Variants in FRY observed in about 807,000 individuals in gnomAD.
The protein encoded by FRY is FRY microtubule binding protein.
FRY carries 128 observed loss-of-function variants against 348.4 expected under a neutral mutation model. That is an observed-to-expected ratio of 0.37 (90% confidence interval 0.32 to 0.43). The LOEUF (loss-of-function observed/expected upper bound fraction) is 0.43, where lower values mean the gene tolerates loss of function less well. Ranked by LOEUF, FRY falls within the 20% of genes least tolerant of loss-of-function variation. FRY has a pLI of 1.00. For synonymous variants in FRY, 1,370 were observed against 1,374.7 expected, an observed-to-expected ratio of 1.00 and a Z score of 0.08; for missense variants, 2,736 against 3,695.2, an observed-to-expected ratio of 0.74 and a Z score of 6.73.
chr13:32,152,269 A>T (rs1351528123), intron 14 of FRY, among the ~76,000 whole-genome samples: 3 of 152,222 alleles, frequency 2.0e-5, no homozygotes, highest in Non-Finnish European at 4.4e-5. Context: ...CAACAAGCTG[A>T]TTCCAAAATT....
chr13:32,221,963 A>C (rs1885338884), intron 36 of FRY, among the ~76,000 whole-genome samples: 1 of 152,104 alleles, frequency 6.6e-6, no homozygotes. Flanking sequence ...CTTACATTAG[A>C]GTTGGGGAGG....
intron 55 of FRY, among the ~76,000 whole-genome samples, chr13:32,272,927 G>T (rs960602627): frequency 2.1e-5 from 3 of 143,142 alleles, no homozygotes; most frequent in Non-Finnish European, 4.7e-5. Flanking sequence ...TTTTTTTTTA[G>T]CAGAGACGGG....
chr13:32,246,687 G>A (rs536225992), intron 47 of FRY, among the ~76,000 whole-genome samples: 10 of 152,328 alleles, frequency 6.6e-5, no homozygotes, highest in African/African-American at 2.2e-4. Flanking sequence ...TGCAAGCCAA[G>A]ACACCAGTAA....
chr13:32,274,775 C>A (rs188525188), intron 55 of FRY, 67 bp from the exon 56 acceptor site: 9 of 1,097,596 alleles, frequency 8.2e-6, no homozygotes, highest in Non-Finnish European at 1.2e-5. Context: ...ACCCCTCCCC[C>A]AAAATATGTT....
At chr13:32,204,075 T>C (rs1240824301) in intron 31 of FRY, among the ~76,000 whole-genome samples, 1 of 152,194 alleles carries the variant, frequency 6.6e-6, no homozygotes, top group Non-Finnish European at 1.5e-5. Context: ...ATTTATCACT[T>C]AATATTTATA....
rs757832154 is a variant in FRY, at chr13:32,208,965, G to A, written c.4131G>A (p.Pro1377=). 136 of 1,614,122 alleles carry A rather than the reference G, an allele frequency of 8.4e-5. No individual in the cohort carries two copies. Among genetic ancestry groups the A allele is most frequent in the East Asian group, 2.0e-4 (9 of 44,878 alleles). Residue 1377 remains proline (P), a synonymous_variant, in exon 32 of 61, where the codon CCG becomes CCA. Transcript: ENST00000542859. ...TGGTGGACAGCAGGCTCCTCCTCCC[G>A]GGGTCGAGCCCCAGCAGCCCAGAGG... ...IELVDSRLLL[P]GSSPSSPEDE... is the part of the protein sequence containing the mutation.
intron 24 of FRY, 69 bp downstream of exon 24, chr13:32,183,103 A>G: frequency 1.1e-6 from 1 of 886,920 alleles, no homozygotes; most frequent in Non-Finnish European, 1.9e-6. Context: ...AATCAAACCT[A>G]GTGATTTCCC....
At chr13:32,140,414 C>T (rs889756785) in intron 11 of FRY, among the ~76,000 whole-genome samples, 46 of 152,098 alleles carry the variant, frequency 3.0e-4, no homozygotes, top group African/African-American at 1.1e-3. Flanking sequence ...TCAGGGAGTA[C>T]TTATGCTAGG....
chr13:32,087,774 A>G (rs1336345614), intron 2 of FRY, among the ~76,000 whole-genome samples: 1 of 152,210 alleles, frequency 6.6e-6, no homozygotes, highest in East Asian at 1.9e-4. Context: ...AGAAAATATC[A>G]GATCCTTTCA....
chr13:32,086,895 A>C (rs1875906102), intron 2 of FRY, among the ~76,000 whole-genome samples: 1 of 152,182 alleles, frequency 6.6e-6, no homozygotes, highest in South Asian at 2.1e-4. Flanking sequence ...AGGTTGCTTG[A>C]GCCTTAGTAG....
In FRY at chr13:32,278,499, G is replaced by A. The variant is rs375326219; in HGVS notation, c.8420G>A (p.Gly2807Glu). The change falls in exon 58 of 61, where the codon GGA becomes GAA. Residue 2807 changes from glycine to glutamate, a missense_variant. By Grantham distance (98) the Gly-to-Glu change is moderately conservative. This residue lies in a region of FRY where 789 missense variants were observed against 996.2 expected (regional missense o/e 0.79). Transcript: ENST00000542859. Reference protein sequence around the residue: ...LANCKATFAGGSRDGVITCQP... With the variant: ...LANCKATFAGESRDGVITCQP... ...AATTGTAAGGCAACATTTGCAGGGG[G>A]ATCAAGAGATGGAGTAATTACCTGT... 3 of 1,603,318 alleles carry A rather than the reference G, an allele frequency of 1.9e-6. No homozygotes were observed. The highest frequency in any genetic ancestry group is 2.2e-5 in the South Asian group (2 of 90,832).
intron 2 of FRY, among the ~76,000 whole-genome samples, chr13:32,079,550 G>A (rs993522119): frequency 1.3e-5 from 2 of 152,140 alleles, no homozygotes; most frequent in East Asian, 1.9e-4. Context: ...TCTAAAACTT[G>A]GAAGGCTATA....
At chr13:32,193,203 TA>T (rs1461395074) in intron 28 of FRY, among the ~76,000 whole-genome samples, 1 of 151,042 alleles carries the variant, frequency 6.6e-6, no homozygotes, top group African/African-American at 2.4e-5. Context: ...ATTTTTTAAT[TA>T]AAAAACTTTG....
chr13:32,243,858 G>C (rs1886634866), intron 46 of FRY, among the ~76,000 whole-genome samples, 184 bp from the exon 47 acceptor site: 1 of 152,158 alleles, frequency 6.6e-6, no homozygotes, highest in Non-Finnish European at 1.5e-5. Flanking sequence ...CTTTCGAGCT[G>C]AGGCAGGAGG....
intron 1 of FRY, among the ~76,000 whole-genome samples, chr13:32,074,209 CG>C (rs1196237192): frequency 6.6e-6 from 1 of 151,992 alleles, no homozygotes; most frequent in African/African-American, 2.4e-5. Context: ...CCAGTGAACA[CG>C]GGAAAACACT....
chr13:32,101,857 A>G, intron 2 of FRY, 106 bp from the exon 3 acceptor site: 1 of 730,256 alleles, frequency 1.4e-6, no homozygotes, highest in South Asian at 1.5e-5. Context: ...TCCTGATTCC[A>G]TAATGAGAGA....
chr13:32,069,619 G>A (rs551338091), intron 1 of FRY, among the ~76,000 whole-genome samples: 9 of 152,202 alleles, frequency 5.9e-5, no homozygotes, highest in African/African-American at 2.2e-4. Flanking sequence ...AACAAGGAAG[G>A]AAATCCTGCC....
rs114534198 is a variant in FRY at position 32,187,446 on chromosome 13, A to G, written c.3481-100A>G. 1,165 of 756,426 alleles carry G rather than the reference A, an allele frequency of 1.5e-3. 10 individuals are homozygous for G. In the African/African-American group the frequency reaches 0.017, roughly 11 times the overall value. The allele number at this position is 756,426 out of a possible 1,614,324, so 46.9% of individuals were successfully genotyped here. Reference sequence around the variant, plus strand: ...AAATAAGTGTCTTTAGAGGGCCCTTATCATTTATAATTCTGACAATTATGG... The same window carrying G: ...AAATAAGTGTCTTTAGAGGGCCCTTGTCATTTATAATTCTGACAATTATGG... On this transcript the variant is annotated intron_variant, in intron 27 of 60. Transcript: ENST00000542859.
chr13:32,249,119 T>C (rs551550596), intron 48 of FRY, among the ~76,000 whole-genome samples: 156 of 152,246 alleles, frequency 1.0e-3, no homozygotes, highest in Non-Finnish European at 2.0e-3. Flanking sequence ...TAAATACATT[T>C]TTAAATAATT....
Sources: allele counts gnomAD v4.1 joint callset (sites outside exome capture counted in the v4.1 genomes callset), GRCh38; gene constraint gnomAD v4.1.1; regional missense constraint gnomAD v4.1.1; transcripts MANE v1.5; gene names NCBI Gene and HGNC (gene_info 2026-07-23, HGNC 2026-07-21).